NFX1: variants seen among roughly 807,000 people sequenced by gnomAD.
NFX1 encodes transcriptional repressor NF-X1.
In NFX1, 69 loss-of-function variants were observed where a neutral mutation model predicts 137.2. That is an observed-to-expected ratio of 0.50 (90% CI 0.41 to 0.61). NFX1 has a LOEUF of 0.61. Ranked by LOEUF, NFX1 falls within the 20% of genes least tolerant of loss-of-function variation. The pLI is 0.00. For missense variants in NFX1, 1,167 were observed against 1,391.0 expected, an observed-to-expected ratio of 0.84 and a Z score of 2.56; for synonymous variants, 495 against 474.1, an observed-to-expected ratio of 1.04 and a Z score of -0.57.
chr9:33,333,187 C>CT (rs1367430352), intron 11 of NFX1, among the ~76,000 whole-genome samples: 9 of 152,194 alleles, frequency 5.9e-5, no homozygotes, highest in Middle Eastern at 3.4e-3. Context: ...TTGTTGAAGC[C>CT]ATTTTAAAAC....
intron 4 of NFX1, 23 bp downstream of exon 4, chr9:33,303,291 G>C (rs776504483): frequency 6.3e-7 from 1 of 1,598,248 alleles, no homozygotes; most frequent in South Asian, 1.1e-5. Context: ...ATATACACTG[G>C]AGTCTCTTTT....
intron 12 of NFX1, among the ~76,000 whole-genome samples, 178 bp from the exon 13 acceptor site, chr9:33,342,568 G>A (rs1030123274): frequency 2.0e-5 from 3 of 152,190 alleles, no homozygotes; most frequent in African/African-American, 7.2e-5. Flanking sequence ...ACCTCATGAC[G>A]AATTTTGTTT....
chr9:33,306,304 A>C (rs900853872), intron 4 of NFX1, among the ~76,000 whole-genome samples: 2 of 152,204 alleles, frequency 1.3e-5, no homozygotes, highest in African/African-American at 4.8e-5. Context: ...AACCCTGAAA[A>C]GGGAGGAGTT....
chr9:33,347,715 A>T (rs1338761821), intron 15 of NFX1: 1 of 437,070 alleles, frequency 2.3e-6, no homozygotes, highest in East Asian at 7.4e-5. Flanking sequence ...TATATGAAAA[A>T]GATACCTGCA....
chr9:33,336,085 G>A (rs926702483), intron 11 of NFX1, among the ~76,000 whole-genome samples: 7 of 152,204 alleles, frequency 4.6e-5, no homozygotes, highest in African/African-American at 1.7e-4. Flanking sequence ...TGGTAATCTT[G>A]TGTTTAATTT....
At position 33,326,282 on chromosome 9, in the gene NFX1, A is replaced by G. The variant is rs576127968; in HGVS notation, c.1907-2299A>G. Among the ~76,000 whole-genome samples, 14 of 152,164 alleles carry G rather than the reference A, an allele frequency of 9.2e-5. No individual in the cohort carries two copies. In the South Asian group the frequency reaches 2.9e-3, roughly 32 times the overall value. Reference sequence around the variant, plus strand: ...ACAAAAATTAGTGTGGTGTGGTGGCATATGCCTGTGATCCCAGCTACTCAG... The same window carrying G: ...ACAAAAATTAGTGTGGTGTGGTGGCGTATGCCTGTGATCCCAGCTACTCAG... On this transcript the variant is annotated intron_variant, in intron 9 of 23. Coordinates refer to ENST00000379540, the MANE Select transcript of NFX1 (RefSeq NM_002504.6).
At chr9:33,300,591 A>G (rs906798262) in intron 2 of NFX1, among the ~76,000 whole-genome samples, 5 of 152,178 alleles carry the variant, frequency 3.3e-5, no homozygotes, top group South Asian at 2.1e-4. Context: ...CTTTGCTGCA[A>G]TTGTGTTTGA....
In NFX1 at chr9:33,295,229, G is replaced by C; in HGVS notation, c.835G>C (p.Gly279Arg). 4 of 1,614,054 alleles carry C rather than the reference G, an allele frequency of 2.5e-6. No individual in the cohort carries two copies. Among genetic ancestry groups the C allele is most frequent in the Non-Finnish European group, 3.4e-6 (4 of 1,180,004 alleles). The part of the protein sequence containing the change: ...HTNAGHRNNM[G>R]PIPKDDLNER... ...AAACGCAGGACACAGAAACAACATGGGCCCCATTCCAAAGGATGACCTCAA... is the reference window on the plus strand; with the variant it reads ...AAACGCAGGACACAGAAACAACATGCGCCCCATTCCAAAGGATGACCTCAA... The change falls in exon 2 of 24, where the codon GGC becomes CGC. Residue 279 changes from glycine (G) to arginine (R), a missense_variant. Gly to Arg is a moderately radical substitution (Grantham distance 125). This residue lies in a region of NFX1 where 367 missense variants were observed against 386.7 expected (regional missense o/e 0.95). Transcript: ENST00000379540.
At chr9:33,359,923 G>C (rs959300155) in intron 19 of NFX1, among the ~76,000 whole-genome samples, 1 of 152,184 alleles carries the variant, frequency 6.6e-6, no homozygotes, top group Admixed American at 6.5e-5. Context: ...ATTTTACCTT[G>C]AAGTTTGACT....
intron 19 of NFX1, among the ~76,000 whole-genome samples, chr9:33,355,619 A>G (rs941794248): frequency 6.7e-6 from 1 of 148,888 alleles, no homozygotes; most frequent in Non-Finnish European, 1.5e-5. Context: ...TTAGACTATT[A>G]CAAATAAAAC....
At chr9:33,330,466 A>G (rs1003328950) in intron 10 of NFX1, among the ~76,000 whole-genome samples, 3 of 152,248 alleles carry the variant, frequency 2.0e-5, no homozygotes, top group African/African-American at 4.8e-5. Context: ...TACATAGGAT[A>G]ACAGAGGCAT....
At chr9:33,307,744 G>A (rs1445860251) in intron 5 of NFX1, among the ~76,000 whole-genome samples, 2 of 151,734 alleles carry the variant, frequency 1.3e-5, no homozygotes, top group African/African-American at 2.4e-5. Context: ...GGTCCCGGTC[G>A]GACAGTATTT....
At chr9:33,329,953 C>T (rs1259853891) in intron 10 of NFX1, among the ~76,000 whole-genome samples, 1 of 152,150 alleles carries the variant, frequency 6.6e-6, no homozygotes, top group East Asian at 1.9e-4. Flanking sequence ...ACCACCACTC[C>T]TGGCTAATTT....
At chr9:33,323,249 A>T (rs141864148) in intron 9 of NFX1, among the ~76,000 whole-genome samples, 1 of 152,346 alleles carries the variant, frequency 6.6e-6, no homozygotes, top group Non-Finnish European at 1.5e-5. Context: ...TAGCCAAGTC[A>T]CAAAACAAAT....
At chr9:33,348,663 C>CA in intron 15 of NFX1, 1 of 812,746 alleles carries the variant, frequency 1.2e-6, no homozygotes, top group Non-Finnish European at 1.5e-6. Flanking sequence ...AGGGTTGCCA[C>CA]AAAGTTTCAA....
chr9:33,307,794 C>CTT (rs139468485), intron 5 of NFX1, among the ~76,000 whole-genome samples: 15 of 85,244 alleles, frequency 1.8e-4, no homozygotes, highest in East Asian at 3.4e-4. Context: ...TTCTTTCTTT[C>CTT]TTTTTTTTTT....
chr9:33,355,802 GC>G (rs779432093), intron 19 of NFX1, among the ~76,000 whole-genome samples: 3 of 151,874 alleles, frequency 2.0e-5, no homozygotes, highest in Non-Finnish European at 4.4e-5. Context: ...GTACCACCAT[GC>G]CCAGCTGATT....
chr9:33,369,815 A>G, intron 23 of NFX1, 91 bp from the exon 24 acceptor site: 1 of 879,472 alleles, frequency 1.1e-6, no homozygotes, highest in South Asian at 1.6e-5. Context: ...AGATTCACAA[A>G]TGGTAAATCA....
chr9:33,299,323 C>A (rs1030121145), intron 2 of NFX1, among the ~76,000 whole-genome samples: 1 of 152,212 alleles, frequency 6.6e-6, no homozygotes, highest in Non-Finnish European at 1.5e-5. Context: ...CTCCTACCAT[C>A]TCTGACAGTT....
Sources: gnomAD v4.1 joint callset for allele counts (sites outside exome capture counted in the v4.1 genomes callset) on GRCh38, gnomAD v4.1.1 for gene constraint, gnomAD v4.1.1 regional missense constraint, MANE v1.5 for transcripts, NCBI Gene and HGNC (gene_info 2026-07-23, HGNC 2026-07-21) for gene names.